The following ADAMTSL1 variants were observed in gnomAD, a reference collection of about 807,000 sequenced individuals.
The protein encoded by ADAMTSL1 is ADAMTS like 1.
In ADAMTSL1, 126 loss-of-function variants were observed where a neutral mutation model predicts 201.8. The observed-to-expected ratio is 0.62, with a 90% CI of 0.54 to 0.72. The LOEUF (loss-of-function observed/expected upper bound fraction) is 0.72, where lower values mean the gene tolerates loss of function less well. Among genes scored for constraint, ADAMTSL1 ranks in the 30% least tolerant of loss-of-function variants. The pLI is 0.00. For synonymous variants in ADAMTSL1, 1,121 were observed against 903.4 expected (o/e 1.24, Z -4.32); for missense variants, 2,679 against 2,277.8 (o/e 1.18, Z -3.59).
chr9:18,146,583 C>T (rs1188195171), intron 1 of ADAMTSL1, among the ~76,000 whole-genome samples: 1 of 152,108 alleles, frequency 6.6e-6, no homozygotes, highest in Non-Finnish European at 1.5e-5. Context: ...AGGTAAAACA[C>T]AGGGGACTTT....
At chr9:18,827,258 C>T (rs1824636547) in intron 22 of ADAMTSL1, among the ~76,000 whole-genome samples, 1 of 151,752 alleles carries the variant, frequency 6.6e-6, no homozygotes, top group Non-Finnish European at 1.5e-5. Flanking sequence ...CTAGAGAAAG[C>T]TGTCATTCTA....
At chr9:18,563,302 C>G (rs190979494) in intron 3 of ADAMTSL1, among the ~76,000 whole-genome samples, 420 of 152,280 alleles carry the variant, frequency 2.8e-3, no homozygotes, top group African/African-American at 9.7e-3. Context: ...TGCTGGAGGT[C>G]CACTCCAGAC....
At chr9:18,058,505 A>G (rs1315472010) in intron 1 of ADAMTSL1, among the ~76,000 whole-genome samples, 1 of 152,210 alleles carries the variant, frequency 6.6e-6, no homozygotes, top group Non-Finnish European at 1.5e-5. Context: ...ATCATGCACC[A>G]ATGTCATAAA....
intron 1 of ADAMTSL1, among the ~76,000 whole-genome samples, chr9:17,999,825 A>G (rs993440818): frequency 2.7e-5 from 4 of 149,736 alleles, no homozygotes; most frequent in Admixed American, 2.7e-4. Flanking sequence ...TCATTGTTCA[A>G]TTCCCACCTA....
chr9:18,567,903 A>G (rs1004121590), intron 3 of ADAMTSL1, among the ~76,000 whole-genome samples: 9 of 152,236 alleles, frequency 5.9e-5, no homozygotes, highest in African/African-American at 1.9e-4. Context: ...TTTTCTAACA[A>G]TATGCTGTAA....
chr9:18,725,100 G>A (rs1439613409), intron 15 of ADAMTSL1, among the ~76,000 whole-genome samples: 1 of 152,120 alleles, frequency 6.6e-6, no homozygotes, highest in Non-Finnish European at 1.5e-5. Context: ...TAGGGACGGG[G>A]TTTCACCATG....
intron 19 of ADAMTSL1, among the ~76,000 whole-genome samples, chr9:18,787,396 G>A (rs1821768754): frequency 6.6e-6 from 1 of 152,124 alleles, no homozygotes; most frequent in African/African-American, 2.4e-5. Context: ...GACAGTACTA[G>A]TGAGGCTTAG....
intron 2 of ADAMTSL1, among the ~76,000 whole-genome samples, chr9:18,225,427 G>A (rs1830404878): frequency 6.6e-6 from 1 of 152,160 alleles, no homozygotes; most frequent in African/African-American, 2.4e-5. Context: ...TTTCTCCATA[G>A]TGGATTTTAA....
chr9:17,939,071 C>T (rs1827127181), intron 1 of ADAMTSL1, among the ~76,000 whole-genome samples: 1 of 152,062 alleles, frequency 6.6e-6, no homozygotes, highest in South Asian at 2.1e-4. Flanking sequence ...GGTTTTTTGC[C>T]ACTTATACTT....
At position 18,721,578 on chromosome 9, in the gene ADAMTSL1, G is replaced by A. The variant is rs200488775; in HGVS notation, c.1919G>A (p.Arg640Gln). The A allele has an allele frequency of 4.5e-5, 72 of 1,613,920 alleles. 1 individual carries two copies. The Middle Eastern group carries it at 1.2e-3, about 26-fold the overall frequency. The change falls in exon 15 of 29, where the codon CGG (arginine) becomes CAG (glutamine). Residue 640 changes from arginine (R) to glutamine (Q), a missense_variant. Physicochemically the swap from Arg to Gln is conservative, Grantham distance 43. Coordinates refer to ENST00000380548, the MANE Select transcript of ADAMTSL1 (RefSeq NM_001040272.6). Reference protein sequence around the residue: ...AVVSCLNKQTREPAEENLCVT... With the variant: ...AVVSCLNKQTQEPAEENLCVT... The stretch of plus-strand genomic sequence containing the variant: ...GTGAGCTGCTTGAACAAACAGACTC[G>A]GGAGCCTGCTGAGGAGAACCTGTGC...
intron 2 of ADAMTSL1, among the ~76,000 whole-genome samples, chr9:18,299,117 G>A (rs1395871470): frequency 6.6e-6 from 1 of 151,942 alleles, no homozygotes; most frequent in Non-Finnish European, 1.5e-5. Flanking sequence ...CATAAGTACC[G>A]TTGTTATCAC....
chr9:18,710,620 C>G (rs1469790228), intron 14 of ADAMTSL1, among the ~76,000 whole-genome samples: 2 of 149,392 alleles, frequency 1.3e-5, no homozygotes, highest in Non-Finnish European at 3.0e-5. Flanking sequence ...AGAAATGTAG[C>G]CCTTACTTTC....
At chr9:18,272,270 T>C (rs1241990564) in intron 2 of ADAMTSL1, among the ~76,000 whole-genome samples, 7 of 152,090 alleles carry the variant, frequency 4.6e-5, no homozygotes, top group Admixed American at 2.0e-4. Context: ...TATAAACCAA[T>C]GGAACAGAAC....
At chr9:18,282,706 T>C (rs1367436230) in intron 2 of ADAMTSL1, among the ~76,000 whole-genome samples, 2 of 152,194 alleles carry the variant, frequency 1.3e-5, no homozygotes, top group Non-Finnish European at 2.9e-5. Flanking sequence ...AACACCAGCC[T>C]GACCAACATG....
At chr9:17,978,829 G>A (rs1045201411) in intron 1 of ADAMTSL1, among the ~76,000 whole-genome samples, 1 of 152,012 alleles carries the variant, frequency 6.6e-6, no homozygotes, top group Admixed American at 6.6e-5. Flanking sequence ...TCAGCTTGAA[G>A]AACCCTTTAG....
chr9:18,271,766 G>A (rs576068873), intron 2 of ADAMTSL1, among the ~76,000 whole-genome samples: 2 of 152,264 alleles, frequency 1.3e-5, no homozygotes, highest in Non-Finnish European at 2.9e-5. Flanking sequence ...CTTCCACAAT[G>A]GTTGAACCAG....
At chr9:17,984,692 G>T (rs1163764215) in intron 1 of ADAMTSL1, among the ~76,000 whole-genome samples, 1 of 152,086 alleles carries the variant, frequency 6.6e-6, no homozygotes, top group Non-Finnish European at 1.5e-5. Flanking sequence ...CTTACGAAAG[G>T]ATCCTAGGCT....
chr9:18,681,187 T>C (rs1428106457), intron 11 of ADAMTSL1: 2 of 152,708 alleles, frequency 1.3e-5, no homozygotes, highest in East Asian at 3.9e-4. Context: ...CTGAGCCCTG[T>C]GGCTTCATGG....
chr9:18,155,937 G>T (rs1205727492), intron 1 of ADAMTSL1, among the ~76,000 whole-genome samples: 1 of 152,070 alleles, frequency 6.6e-6, no homozygotes, highest in Non-Finnish European at 1.5e-5. Context: ...GTCAGAGGAT[G>T]CTGGAAGAGC....
Sources: allele counts gnomAD v4.1 joint callset (sites outside exome capture counted in the v4.1 genomes callset), GRCh38; gene constraint gnomAD v4.1.1; transcripts MANE v1.5; gene names NCBI Gene and HGNC (gene_info 2026-07-23, HGNC 2026-07-21).